Variants in TOX observed in about 807,000 individuals in gnomAD.
TOX encodes the protein thymocyte selection associated high mobility group box, also known as thymocyte selection-associated high mobility group box protein TOX.
A neutral mutation model predicts 53.7 loss-of-function variants in TOX; 11 were observed. The observed-to-expected ratio is 0.20, with a 90% CI of 0.13 to 0.34. The LOEUF (loss-of-function observed/expected upper bound fraction) is 0.34. TOX is among the 10% of genes least tolerant of loss of function. The pLI is 1.00. For missense variants in TOX, 570 were observed against 664.6 expected, an observed-to-expected ratio of 0.86 and a Z score of 1.56; for synonymous variants, 225 against 245.3, an observed-to-expected ratio of 0.92 and a Z score of 0.77.
chr8:58,977,009 A>T (rs1813113140), intron 1 of TOX, among the ~76,000 whole-genome samples: 2 of 152,256 alleles, frequency 1.3e-5, no homozygotes, highest in East Asian at 3.8e-4. Flanking sequence ...CACCAGCTGT[A>T]TTAACCCCTA....
At chr8:59,046,090 T>C (rs1289554517) in intron 1 of TOX, among the ~76,000 whole-genome samples, 1 of 152,218 alleles carries the variant, frequency 6.6e-6, no homozygotes, top group Non-Finnish European at 1.5e-5. Flanking sequence ...TAGGAAACTA[T>C]AACAGTTACA....
At chr8:59,083,349 T>A (rs1016415161) in intron 1 of TOX, among the ~76,000 whole-genome samples, 1 of 152,212 alleles carries the variant, frequency 6.6e-6, no homozygotes, top group African/African-American at 2.4e-5. Context: ...TATATCATGA[T>A]GGGAAAAGAC....
intron 3 of TOX, among the ~76,000 whole-genome samples, chr8:58,929,116 C>G (rs62505159): frequency 0.14 from 21,762 of 151,946 alleles, 1,742 homozygotes; most frequent in East Asian, 0.28. Context: ...TCAAAGAGTA[C>G]TTCTATTTCT....
At chr8:58,977,202 C>T (rs554944787) in intron 1 of TOX, among the ~76,000 whole-genome samples, 10 of 152,366 alleles carry the variant, frequency 6.6e-5, no homozygotes, top group South Asian at 4.1e-4. Flanking sequence ...GCAGCTTCTA[C>T]GTCAGCACTT....
chr8:58,898,500 G>T (rs1249691438), intron 3 of TOX, among the ~76,000 whole-genome samples: 1 of 152,144 alleles, frequency 6.6e-6, no homozygotes, highest in Non-Finnish European at 1.5e-5. Flanking sequence ...CTGTTTCTCA[G>T]TTTGAGGAAG....
At chr8:59,078,998 G>A (rs1804347734) in intron 1 of TOX, among the ~76,000 whole-genome samples, 1 of 152,202 alleles carries the variant, frequency 6.6e-6, no homozygotes, top group Non-Finnish European at 1.5e-5. Context: ...ATCCCCTAGG[G>A]ATCTATGGAA....
chr8:58,866,295 A>G (rs556453734), intron 3 of TOX, among the ~76,000 whole-genome samples: 1 of 152,328 alleles, frequency 6.6e-6, no homozygotes, highest in Admixed American at 6.5e-5. Context: ...TGACATACTC[A>G]TCAAGCAGTG....
At chr8:59,043,433 A>G (rs555777328) in intron 1 of TOX, among the ~76,000 whole-genome samples, 1 of 151,830 alleles carries the variant, frequency 6.6e-6, no homozygotes, top group East Asian at 1.9e-4. Flanking sequence ...TATTTTCAAA[A>G]TAAATTATAG....
chr8:59,080,122 A>T (rs971482268), intron 1 of TOX, among the ~76,000 whole-genome samples: 1 of 151,628 alleles, frequency 6.6e-6, no homozygotes, highest in African/African-American at 2.4e-5. Flanking sequence ...AGCTGGGATT[A>T]TAGGGATGCA....
intron 1 of TOX, among the ~76,000 whole-genome samples, chr8:59,069,861 A>G (rs1804162140): frequency 6.6e-6 from 1 of 152,222 alleles, no homozygotes; most frequent in South Asian, 2.1e-4. Context: ...GGCCACACAG[A>G]GTTCAGTGTT....
chr8:58,963,144 G>T (rs1812829689), intron 1 of TOX, among the ~76,000 whole-genome samples: 1 of 152,128 alleles, frequency 6.6e-6, no homozygotes, highest in Non-Finnish European at 1.5e-5. Flanking sequence ...ATTGGCTCTT[G>T]TTGGACCTCA....
rs577926588 is a variant in TOX, at chr8:59,003,134, A to T, written c.103-43126T>A. 3.9e-5 allele frequency among the ~76,000 whole-genome samples: 6 copies of T among 152,300 alleles called. No individual in the cohort carries two copies. The South Asian group carries it at 8.3e-4, about 21-fold the overall frequency. On this transcript the variant is annotated intron_variant, in intron 1 of 8. Coordinates refer to ENST00000361421, the MANE Select transcript of TOX (RefSeq NM_014729.3). ...TTTAAATAGACAAAAGTCAGACCAA[A>T]CTTCAAACTATTTTTACACATTGAC...
intron 1 of TOX, among the ~76,000 whole-genome samples, chr8:59,095,091 T>C (rs1288175737): frequency 3.3e-5 from 5 of 152,256 alleles, no homozygotes; most frequent in Non-Finnish European, 7.3e-5. Context: ...CCCTATTATG[T>C]TCTAAGCATA....
At chr8:58,841,350 G>C (rs149551997) in intron 4 of TOX, among the ~76,000 whole-genome samples, 2 of 152,134 alleles carry the variant, frequency 1.3e-5, no homozygotes, top group African/African-American at 4.8e-5. Context: ...CCACTAGCAC[G>C]TATCATGGTC....
chr8:59,019,670 T>C (rs1226385306), intron 1 of TOX, among the ~76,000 whole-genome samples: 1 of 152,216 alleles, frequency 6.6e-6, no homozygotes, highest in African/African-American at 2.4e-5. Context: ...TTCATATAGA[T>C]ACAAATCATT....
intron 3 of TOX, among the ~76,000 whole-genome samples, chr8:58,855,731 A>G (rs559531014): frequency 1.1e-4 from 16 of 152,328 alleles, no homozygotes; most frequent in African/African-American, 3.8e-4. Context: ...ACTGTTCAGC[A>G]TGACATGAAA....
chr8:58,837,098 T>C (rs1353286472), intron 5 of TOX, among the ~76,000 whole-genome samples: 1 of 151,378 alleles, frequency 6.6e-6, no homozygotes, highest in African/African-American at 2.4e-5. Context: ...AAACACAATA[T>C]ATAGATCCTT....
At chr8:58,904,888 A>G (rs1811787158) in intron 3 of TOX, among the ~76,000 whole-genome samples, 1 of 152,160 alleles carries the variant, frequency 6.6e-6, no homozygotes, top group Non-Finnish European at 1.5e-5. Flanking sequence ...CAGGGAATGC[A>G]TCTTGTTCTC....
intron 6 of TOX, among the ~76,000 whole-genome samples, chr8:58,822,634 A>G (rs561790030): frequency 6.6e-6 from 1 of 152,284 alleles, no homozygotes; most frequent in Non-Finnish European, 1.5e-5. Flanking sequence ...CTCTGTTGGT[A>G]GTGGGGGTAG....
Sources: allele counts gnomAD v4.1 joint callset (sites outside exome capture counted in the v4.1 genomes callset), GRCh38; gene constraint gnomAD v4.1.1; transcripts MANE v1.5; gene names NCBI Gene and HGNC (gene_info 2026-07-23, HGNC 2026-07-21).